Variants in ABCB1 observed in about 807,000 individuals in gnomAD.
ABCB1 encodes ATP binding cassette subfamily B member 1.
In ABCB1, 69 loss-of-function variants were observed where a neutral mutation model predicts 142.0. That is an observed-to-expected ratio of 0.49 (90% CI 0.40 to 0.59). The LOEUF (loss-of-function observed/expected upper bound fraction) is 0.59. ABCB1 is among the 20% of genes least tolerant of loss of function. ABCB1 has a pLI of 0.00. For synonymous variants in ABCB1, 532 were observed against 539.2 expected (o/e 0.99, Z 0.18); for missense variants, 1,326 against 1,554.7 (o/e 0.85, Z 2.47).
intron 8 of ABCB1, among the ~76,000 whole-genome samples, chr7:87,555,776 T>C (rs980677545): frequency 1.3e-5 from 2 of 152,050 alleles, no homozygotes; most frequent in African/African-American, 4.8e-5. Flanking sequence ...ACTTTATGAG[T>C]TGATCTGAGG....
At chr7:87,511,987 G>A (rs995629292) in intron 25 of ABCB1, among the ~76,000 whole-genome samples, 3 of 152,112 alleles carry the variant, frequency 2.0e-5, no homozygotes, top group Admixed American at 1.3e-4. Flanking sequence ...TCAATTACAT[G>A]TAAATTCTGG....
chr7:87,563,499 T>A, intron 7 of ABCB1: 2 of 319,464 alleles, frequency 6.3e-6, no homozygotes, highest in South Asian at 5.4e-5. Flanking sequence ...AGGATGCAAG[T>A]TTGGCTCAAC....
At chr7:87,553,524 G>C (rs28381883) in intron 9 of ABCB1, among the ~76,000 whole-genome samples, 2,303 of 152,080 alleles carry the variant, frequency 0.015, 67 homozygotes, top group African/African-American at 0.052. Context: ...GTTTCACCAT[G>C]TTAGCCAGGA....
At chr7:87,509,725 T>C (rs1814921192) in intron 25 of ABCB1, among the ~76,000 whole-genome samples, 1 of 152,206 alleles carries the variant, frequency 6.6e-6, no homozygotes, top group Non-Finnish European at 1.5e-5. Context: ...GGCAGAATAA[T>C]GTTCCCTCTC....
At chr7:87,542,096 G>A (rs1012460127) in intron 17 of ABCB1, among the ~76,000 whole-genome samples, 1 of 152,096 alleles carries the variant, frequency 6.6e-6, no homozygotes, top group African/African-American at 2.4e-5. Flanking sequence ...AAGAAAACAC[G>A]TATCTCCCTT....
chr7:87,644,532 G>A (rs1461310726), intron 1 of ABCB1, among the ~76,000 whole-genome samples: 2 of 152,116 alleles, frequency 1.3e-5, no homozygotes, highest in Non-Finnish European at 2.9e-5. Context: ...TAACCTTTGT[G>A]AGCCCTTTTA....
chr7:87,508,810 G>A (rs1345507336), intron 26 of ABCB1, among the ~76,000 whole-genome samples: 2 of 152,138 alleles, frequency 1.3e-5, no homozygotes, highest in Non-Finnish European at 1.5e-5. Flanking sequence ...GGAGGAAGAA[G>A]GAAGAGAAAT....
chr7:87,690,982 T>C (rs933347215), intron 1 of ABCB1, among the ~76,000 whole-genome samples: 7 of 152,174 alleles, frequency 4.6e-5, no homozygotes, highest in African/African-American at 1.7e-4. Flanking sequence ...GCTAAAGGTT[T>C]ACTTTTTGCA....
chr7:87,531,518 G>C (rs368935884), intron 20 of ABCB1, 21 bp from the exon 21 acceptor site: 1 of 1,607,736 alleles, frequency 6.2e-7, no homozygotes, highest in African/African-American at 1.3e-5. Flanking sequence ...AAACAAATTA[G>C]AGAAATTTTA....
Position 87,558,443 on chromosome 7 carries a change from T to C in ABCB1, c.827+2820A>G, listed in dbSNP as rs1277460083. 6.6e-5 allele frequency among the ~76,000 whole-genome samples: 10 copies of C among 152,338 alleles called. No homozygotes were observed. The East Asian group carries it at 1.9e-3, about 29-fold the overall frequency. Reference sequence around the variant, plus strand: ...CTTATAAAACCTACTGGAATTTCTGTGTAGACAATCTTATCGTCTGTGAAT... The same window carrying C: ...CTTATAAAACCTACTGGAATTTCTGCGTAGACAATCTTATCGTCTGTGAAT... On this transcript the variant is annotated intron_variant, in intron 8 of 27. Transcript: ENST00000622132.
intron 7 of ABCB1, among the ~76,000 whole-genome samples, chr7:87,561,838 T>C (rs28381863): frequency 0.1 from 15,324 of 152,020 alleles, 1,101 homozygotes; most frequent in African/African-American, 0.2. Flanking sequence ...AATTAAAAAT[T>C]AGCTAGGTGT....
chr7:87,558,210 C>A lies in ABCB1; in HGVS notation c.827+3053G>T, dbSNP rs1258421974. On this transcript the variant is annotated intron_variant, in intron 8 of 27. Transcript: ENST00000622132. ...GTGAATAGCAGAAGCAAACATAAAT[C>A]CTGCCTGATAGAATTGGACTTCAAT... Among the ~76,000 whole-genome samples the A allele has an allele frequency of 2.0e-5, 3 of 152,208 alleles. No homozygotes were observed. The East Asian group carries it at 5.8e-4, about 29-fold the overall frequency.
chr7:87,626,838 C>G (rs2130140177), intron 1 of ABCB1, among the ~76,000 whole-genome samples: 1 of 151,926 alleles, frequency 6.6e-6, no homozygotes, highest in Non-Finnish European at 1.5e-5. Flanking sequence ...TGCACTGGCG[C>G]AGTCTCCGCT....
Position 87,544,247 on chromosome 7 carries a change from CA to C in ABCB1, c.2092del (p.Trp698GlyfsTer4). On this transcript the variant is annotated frameshift_variant, in exon 17 of 28. Transcript: ENST00000622132. LOFTEE classifies it high-confidence loss of function. ...LDESIPPVSF[W>X]RIMKLNLTEW... ...AGTTAAATTTAGCTTCATAATCCTC[CA>C]AAAGGAAACTGGAGGTATACTTTCA... 1 of 1,613,340 alleles carries C rather than the reference CA, an allele frequency of 6.2e-7. No homozygotes were observed. Among genetic ancestry groups the C allele is most frequent in the Non-Finnish European group, 8.5e-7 (1 of 1,179,866 alleles).
intron 23 of ABCB1, among the ~76,000 whole-genome samples, chr7:87,518,450 T>C (rs543804837): frequency 6.6e-6 from 1 of 152,328 alleles, no homozygotes; most frequent in South Asian, 2.1e-4. Flanking sequence ...CTCTAGGCCA[T>C]AATCACAAAT....
At chr7:87,602,214 T>C (rs962726438), upstream of ABCB1, among the ~76,000 whole-genome samples, 16 of 151,874 alleles carry the variant, frequency 1.1e-4, no homozygotes, top group Non-Finnish European at 2.2e-4. Context: ...AGGATGGTCT[T>C]GATCTCCTGA....
At chr7:87,682,882 T>C (rs1827065269) in intron 1 of ABCB1, among the ~76,000 whole-genome samples, 1 of 152,202 alleles carries the variant, frequency 6.6e-6, no homozygotes, top group Admixed American at 6.5e-5. Flanking sequence ...TTAACTTCTC[T>C]TCTTTTACTA....
intron 1 of ABCB1, among the ~76,000 whole-genome samples, chr7:87,686,742 C>A (rs1487284251): frequency 6.6e-6 from 1 of 150,888 alleles, no homozygotes; most frequent in Non-Finnish European, 1.5e-5. Context: ...GAGTTTGAGA[C>A]CCACCTGGGC....
chr7:87,659,705 C>T (rs890257488), intron 1 of ABCB1, among the ~76,000 whole-genome samples: 1 of 152,112 alleles, frequency 6.6e-6, no homozygotes, highest in Admixed American at 6.6e-5. Context: ...TAAAAAGAAA[C>T]CCAGGGAACT....
Sources: allele counts gnomAD v4.1 joint callset (sites outside exome capture counted in the v4.1 genomes callset), GRCh38; gene constraint gnomAD v4.1.1; transcripts MANE v1.5; gene names NCBI Gene and HGNC (gene_info 2026-07-23, HGNC 2026-07-21).